The following PITRM1 variants were observed in gnomAD, a reference collection of about 807,000 sequenced individuals.
PITRM1 encodes the protein pitrilysin metallopeptidase 1.
Under a neutral mutation model 129.9 loss-of-function variants are expected in PITRM1, and 100 were observed. The observed-to-expected ratio is 0.77, with a 90% CI of 0.65 to 0.91. PITRM1 has a LOEUF of 0.91. PITRM1 is among the 40% of genes least tolerant of loss of function. PITRM1 has a pLI of 0.00. For synonymous variants in PITRM1, 591 were observed against 508.8 expected, an observed-to-expected ratio of 1.16 and a Z score of -2.17; for missense variants, 1,471 against 1,318.3, an observed-to-expected ratio of 1.12 and a Z score of -1.79.
Position 3,163,796 on chromosome 10 carries a change from C to G in PITRM1, c.720G>C (p.Leu240=), listed in dbSNP as rs1016788927. Residue 240 remains leucine (L), a synonymous_variant, in exon 7 of 27, where the codon CTG becomes CTC. Transcript: ENST00000224949. ...GCTCCCATGTAAGCTCCGGGATGCA[C>G]AGTGGGTCACCCCCGGAGACCACTG... ...TYSVVSGGDP[L]CIPELTWEQL... is the part of the protein sequence containing the mutation. 1.8e-5 allele frequency: 29 copies of G among 1,613,302 alleles called. No individual in the cohort carries two copies. The highest frequency in any genetic ancestry group is 2.5e-5 in the Non-Finnish European group (29 of 1,179,632).
intron 16 of PITRM1, chr10:3,148,943 C>T (rs542723754): frequency 6.6e-6 from 1 of 152,476 alleles, no homozygotes; most frequent in East Asian, 1.9e-4. Flanking sequence ...AGCGGACCCT[C>T]AGCCAGGGTG....
intron 16 of PITRM1, 177 bp from the exon 17 acceptor site, chr10:3,148,468 T>G (rs1588658606): frequency 4.3e-6 from 3 of 691,392 alleles, no homozygotes; most frequent in South Asian, 5.2e-5. Flanking sequence ...CCTCGAGAGT[T>G]CATGTGCCCC....
chr10:3,150,768 G>A (rs528015286), intron 15 of PITRM1, among the ~76,000 whole-genome samples: 15 of 152,248 alleles, frequency 9.9e-5, no homozygotes, highest in South Asian at 4.1e-4. Context: ...GGAACAAAAC[G>A]TGCCAAGGAA....
At chr10:3,140,621 G>A (rs759781796) in intron 24 of PITRM1, 66 bp downstream of exon 24, 61 of 1,426,574 alleles carry the variant, frequency 4.3e-5, no homozygotes, top group East Asian at 2.4e-5. Context: ...AAATGACACT[G>A]ATAATCATGA....
chr10:3,137,736 G>A lies in PITRM1; in HGVS notation c.*295C>T, dbSNP rs1005989549. ...AATGACTCAAGCAGAGGTTAAGTCA[G>A]AGTTGCCCTTTATTTTTAGATTCTT... On this transcript the variant is annotated 3_prime_UTR_variant, in exon 27 of 27. Coordinates refer to ENST00000224949, the MANE Select transcript of PITRM1 (RefSeq NM_014889.4). The A allele has an allele frequency of 2.4e-6, 1 of 421,206 alleles. No homozygotes were observed. The highest frequency in any genetic ancestry group is 4.6e-6 in the Non-Finnish European group (1 of 219,168). 26.1% of individuals were successfully genotyped at this position (421,206 alleles called of 1,614,324 possible).
At chr10:3,161,272 C>T (rs571435325) in intron 7 of PITRM1, among the ~76,000 whole-genome samples, 2 of 152,282 alleles carry the variant, frequency 1.3e-5, no homozygotes, top group South Asian at 4.1e-4. Context: ...CTTTATAACC[C>T]TAGGTACAGT....
In PITRM1 at chr10:3,155,685, C is replaced by G. The variant is rs1051238448; in HGVS notation, c.1527G>C (p.Lys509Asn). Residue 509 changes from lysine (K) to asparagine (N), a missense_variant, in exon 14 of 27, where the codon AAG becomes AAC. Lys to Asn is a moderately conservative substitution (Grantham distance 94). Coordinates refer to ENST00000224949, the MANE Select transcript of PITRM1 (RefSeq NM_014889.4). ...CCACCTGTGCCTGCTTCTCGTGATACTTGTCATCTGGCCTCATCGATAAAG... is the reference window on the plus strand; with the variant it reads ...CCACCTGTGCCTGCTTCTCGTGATAGTTGTCATCTGGCCTCATCGATAAAG... Reference protein sequence around the residue: ...KLTLSMRPDDKYHEKQAQVEA... With the variant: ...KLTLSMRPDDNYHEKQAQVEA... 6.2e-7 allele frequency: 1 copy of G among 1,613,950 alleles called. No individual in the cohort carries two copies. Among genetic ancestry groups the G allele is most frequent in the African/African-American group, 1.3e-5 (1 of 75,024 alleles).
In PITRM1 at chr10:3,163,629, T is replaced by C. The variant is rs540741657; in HGVS notation, c.791+96A>G. On this transcript the variant is annotated intron_variant, in intron 7 of 26. Transcript: ENST00000224949. ...CTAGACTTAGATATTTCTTAAGCATTGCTAAATGTGAGAGAAGCCATGCCA... is the reference window on the plus strand; with the variant it reads ...CTAGACTTAGATATTTCTTAAGCATCGCTAAATGTGAGAGAAGCCATGCCA... 4.8e-6 allele frequency: 5 copies of C among 1,048,782 alleles called. No individual in the cohort carries two copies. The South Asian group carries it at 8.1e-5, about 17-fold the overall frequency. The allele number at this position is 1,048,782 out of a possible 1,614,324, so 65.0% of individuals were successfully genotyped here. A position where few individuals can be genotyped will look rare whatever the true frequency, so the allele number is the denominator to read the frequency against.
chr10:3,142,432 T>TC (rs1840335120), intron 23 of PITRM1, among the ~76,000 whole-genome samples: 1 of 152,232 alleles, frequency 6.6e-6, no homozygotes. Flanking sequence ...GTTTAGTCCC[T>TC]CATGGGGGTA....
At chr10:3,166,186 T>C in intron 4 of PITRM1, 43 bp downstream of exon 4, 3 of 1,498,738 alleles carry the variant, frequency 2.0e-6, no homozygotes, top group Non-Finnish European at 2.7e-6. Context: ...TGGGTGTGCC[T>C]GGCAAACCCA....
chr10:3,159,248 G>A (rs1295623726), intron 9 of PITRM1, among the ~76,000 whole-genome samples: 1 of 152,224 alleles, frequency 6.6e-6, no homozygotes, highest in Non-Finnish European at 1.5e-5. Flanking sequence ...TAACTTCACT[G>A]CACACGAAAT....
chr10:3,141,581 G>A (rs770289275), intron 23 of PITRM1: 38 of 425,584 alleles, frequency 8.9e-5, no homozygotes, highest in Middle Eastern at 3.4e-4. Context: ...CACTGTGAAC[G>A]GTAACATCAC....
chr10:3,148,106 C>T (rs4881112), intron 17 of PITRM1, 43 bp from the exon 18 acceptor site: 822,219 of 1,613,066 alleles, frequency 0.51, 211,222 homozygotes, highest in East Asian at 0.53. Context: ...AGGGCCGAAT[C>T]GAACAGTGAC....
chr10:3,165,020 A>G (rs1259589868), intron 6 of PITRM1, among the ~76,000 whole-genome samples: 1 of 152,254 alleles, frequency 6.6e-6, no homozygotes, highest in Non-Finnish European at 1.5e-5. Flanking sequence ...TGCAGATCAC[A>G]TACCAGGGGT....
At chr10:3,151,107 A>C in intron 15 of PITRM1, 140 bp downstream of exon 15, 2 of 664,120 alleles carry the variant, frequency 3.0e-6, no homozygotes, top group Non-Finnish European at 5.6e-6. Context: ...AATCGTGTAG[A>C]GCGAGACTAT....
chr10:3,143,645 A>G (rs1478980968), intron 22 of PITRM1, 144 bp from the exon 23 acceptor site: 1 of 718,712 alleles, frequency 1.4e-6, no homozygotes, highest in Non-Finnish European at 2.6e-6. Flanking sequence ...CAGGGGTCCC[A>G]TCTCCGTGAC....
chr10:3,138,523 C>A (rs1025242544), intron 25 of PITRM1, 186 bp from the exon 26 acceptor site: 2 of 623,242 alleles, frequency 3.2e-6, no homozygotes, highest in Non-Finnish European at 5.8e-6. Context: ...GCCACGCTGA[C>A]CCCTACCCAC....
intron 26 of PITRM1, 42 bp downstream of exon 26, chr10:3,138,193 G>T: frequency 6.3e-7 from 1 of 1,581,844 alleles, no homozygotes; most frequent in Middle Eastern, 1.7e-4. Context: ...TCAGCACGAG[G>T]GCTTCCAGTC....
chr10:3,160,643 G>C (rs1842367685), intron 7 of PITRM1, among the ~76,000 whole-genome samples: 1 of 152,098 alleles, frequency 6.6e-6, no homozygotes, highest in Non-Finnish European at 1.5e-5. Flanking sequence ...CTGGCTTCAG[G>C]CATCTGCTGG....
Sources: allele counts gnomAD v4.1 joint callset (sites outside exome capture counted in the v4.1 genomes callset), GRCh38; gene constraint gnomAD v4.1.1; transcripts MANE v1.5; gene names NCBI Gene and HGNC (gene_info 2026-07-23, HGNC 2026-07-21).